PIEZO1: variants seen among roughly 807,000 people sequenced by gnomAD.
PIEZO1 encodes piezo-type mechanosensitive ion channel component 1.
Under a neutral mutation model 297.2 loss-of-function variants are expected in PIEZO1, and 296 were observed. The ratio of observed to expected loss-of-function variants is 1.00; its 90% confidence interval spans 0.91 to 1.10. The LOEUF (loss-of-function observed/expected upper bound fraction) is 1.10, where lower values mean the gene tolerates loss of function less well. Ranked by LOEUF, PIEZO1 falls within the 50% of genes least tolerant of loss-of-function variation. PIEZO1 has a pLI of 0.00. For missense variants in PIEZO1, 5,018 were observed against 3,455.5 expected (o/e 1.45, Z -11.34); for synonymous variants, 2,427 against 1,507.5 (o/e 1.61, Z -14.13).
At chr16:88,722,491 G>C in intron 35 of PIEZO1, 92 bp downstream of exon 35, 1 of 1,433,524 alleles carries the variant, frequency 7.0e-7, no homozygotes, top group Non-Finnish European at 9.3e-7. Context: ...ACGGTCCTTT[G>C]GGGTACAAGG....
chr16:88,733,241 G>T, intron 19 of PIEZO1, 37 bp downstream of exon 19: 1 of 1,522,874 alleles, frequency 6.6e-7, no homozygotes, highest in Non-Finnish European at 8.9e-7. Context: ...AGAGTTGCCT[G>T]GAGCTTCCTC....
rs956098218 is a variant in PIEZO1, at chr16:88,734,409, G to A, written c.2127C>T (p.Thr709=). The change falls in exon 16 of 51, where the codon ACC becomes ACT. Residue 709 remains threonine (T), a synonymous_variant. Coordinates refer to ENST00000301015, the MANE Select transcript of PIEZO1 (RefSeq NM_001142864.4). ...CAGGCAGGGACACGTGCTCCATGTC[G>A]GTGAGCTGCATGAAGGGCCTGTGGA... ...HYFHRPFMQL[T]DMEHVSLPGT... 13 of 1,549,378 alleles carry A rather than the reference G, an allele frequency of 8.4e-6. No homozygotes were observed. The highest frequency in any genetic ancestry group is 3.6e-5 in the South Asian group (3 of 84,030).
At chr16:88,737,411 C>G in intron 10 of PIEZO1, 148 bp downstream of exon 10, 1 of 593,186 alleles carries the variant, frequency 1.7e-6, no homozygotes, top group Non-Finnish European at 2.9e-6. Context: ...TCACTGACAC[C>G]GACCCGTGGA....
chr16:88,778,491 C>T (rs952539872), intron 1 of PIEZO1, among the ~76,000 whole-genome samples: 1 of 152,230 alleles, frequency 6.6e-6, no homozygotes, highest in Non-Finnish European at 1.5e-5. Flanking sequence ...TTAAAACACA[C>T]CCGAAAAATT....
chr16:88,736,595 C>T (rs576847274), intron 11 of PIEZO1, 44 bp downstream of exon 11: 25 of 1,486,394 alleles, frequency 1.7e-5, no homozygotes, highest in African/African-American at 1.5e-4. Context: ...CCCACACCTG[C>T]GCGGCAGAGG....
intron 44 of PIEZO1, chr16:88,718,245 G>C (rs543441505): frequency 4.9e-4 from 76 of 153,936 alleles, no homozygotes; most frequent in Non-Finnish European, 7.8e-4. Context: ...CATAGTAACA[G>C]GTTGTTGAGG....
chr16:88,738,684 G>T lies in PIEZO1; in HGVS notation c.518C>A (p.Ala173Glu). The change falls in exon 6 of 51, where the codon GCA (alanine) becomes GAA (glutamate). Residue 173 changes from alanine (A) to glutamate (E), a missense_variant. Physicochemically the swap from Ala to Glu is moderately radical, Grantham distance 107 (BLOSUM62 -1). Transcript: ENST00000301015. The part of the protein sequence containing the change: ...DASPTAGLQE[A>E]ATLAPTRRSR... ...CCTCCGTGTAGGGGCCAGCGTTGCT[G>T]CTTCCTGCAGCCCTGCCGTCGGGCT... The T allele has an allele frequency of 6.5e-7, 1 of 1,534,832 alleles. No individual in the cohort carries two copies. Among genetic ancestry groups the T allele is most frequent in the Non-Finnish European group, 8.7e-7 (1 of 1,146,044 alleles).
rs753010369 is a variant in PIEZO1, at chr16:88,719,911, T to G, written c.6214A>C (p.Ile2072Leu). The change falls in exon 43 of 51, where the codon ATC becomes CTC. Residue 2072 changes from isoleucine (I) to leucine (L), a missense_variant. Ile to Leu is a conservative substitution (Grantham distance 5). Coordinates refer to ENST00000301015, the MANE Select transcript of PIEZO1 (RefSeq NM_001142864.4). ...VAQLWYFVKC[I>L]YFALSAYQIR... The stretch of plus-strand genomic sequence containing the variant: ...TGGTAGGCGGACAGGGCGAAGTAGA[T>G]GCACTTCACGAAGTACCAGAGCTGG... The G allele has an allele frequency of 1.3e-6, 2 of 1,550,418 alleles. No individual in the cohort carries two copies. Among genetic ancestry groups the G allele is most frequent in the Admixed American group, 3.9e-5 (2 of 51,010 alleles).
At chr16:88,751,601 A>G (rs765440136) in intron 1 of PIEZO1, among the ~76,000 whole-genome samples, 1 of 151,912 alleles carries the variant, frequency 6.6e-6, no homozygotes, top group Non-Finnish European at 1.5e-5. Flanking sequence ...TCTTCCTCCC[A>G]TTAACGCACC....
Position 88,726,958 on chromosome 16 carries a change from C to A in PIEZO1, c.3456G>T (p.Arg1152Ser). The change falls in exon 25 of 51, where the codon AGG becomes AGT. Residue 1152 changes from arginine (R) to serine (S), a missense_variant and splice_region_variant. Transcript: ENST00000301015. Reference sequence around the variant, plus strand: ...CCACCTTCAGCATGTCAAGGTAGGACCTGCCAGGCCGGAGCGTCAGGGCGG... The same window carrying A: ...CCACCTTCAGCATGTCAAGGTAGGAACTGCCAGGCCGGAGCGTCAGGGCGG... ...PNPVPNFIHC[R>S]SYLDMLKVAV... The A allele has an allele frequency of 6.5e-7, 1 of 1,550,332 alleles. No homozygotes were observed. The highest frequency in any genetic ancestry group is 8.7e-7 in the Non-Finnish European group (1 of 1,146,836).
chr16:88,738,296 A>T lies in PIEZO1; in HGVS notation c.779T>A (p.Leu260His). Reference sequence around the variant, plus strand: ...CATCTGGTAGCAGTAGAGGCAGATGAGATGGCCGGCGCCGAAGCACCCCAC... The same window carrying T: ...CATCTGGTAGCAGTAGAGGCAGATGTGATGGCCGGCGCCGAAGCACCCCAC... ...VAVGCFGAGH[L>H]ICLYCYQMPL... The change falls in exon 7 of 51, where the codon CTC becomes CAC. Residue 260 changes from leucine to histidine, a missense_variant. Leu to His is a moderately conservative substitution (Grantham distance 99). Transcript: ENST00000301015. 1 of 1,535,896 alleles carries T rather than the reference A, an allele frequency of 6.5e-7. No individual in the cohort carries two copies. The highest frequency in any genetic ancestry group is 8.7e-7 in the Non-Finnish European group (1 of 1,146,850).
At chr16:88,719,327 C>T in intron 44 of PIEZO1, 1 of 528,186 alleles carries the variant, frequency 1.9e-6, no homozygotes, top group South Asian at 2.2e-5. Context: ...CCAGGCCCTG[C>T]TCTGCTGCCA....
intron 1 of PIEZO1, among the ~76,000 whole-genome samples, chr16:88,782,810 C>G (rs959890388): frequency 2.6e-5 from 4 of 151,592 alleles, no homozygotes; most frequent in African/African-American, 9.7e-5. Flanking sequence ...GCCCACACCC[C>G]AGGGCCAGAG....
At chr16:88,773,375 A>G (rs979505554) in intron 1 of PIEZO1, among the ~76,000 whole-genome samples, 2 of 152,312 alleles carry the variant, frequency 1.3e-5, no homozygotes, top group Non-Finnish European at 2.9e-5. Flanking sequence ...GGGCAGGGGG[A>G]GGGGCCTTGC....
Position 88,725,030 on chromosome 16 carries a change from G to A in PIEZO1, c.4213C>T (p.Pro1405Ser). 6.7e-7 allele frequency: 1 copy of A among 1,497,226 alleles called. No homozygotes were observed. Among genetic ancestry groups the A allele is most frequent in the Non-Finnish European group, 8.9e-7 (1 of 1,125,034 alleles). 92.7% of individuals were successfully genotyped at this position (1,497,226 alleles called of 1,614,324 possible). A position where few individuals can be genotyped will look rare whatever the true frequency, so the allele number is the denominator to read the frequency against. The change falls in exon 30 of 51, where the codon CCC becomes TCC. Residue 1405 changes from proline (P) to serine (S), a missense_variant. Transcript: ENST00000301015. ...SSPPRRQWWR[P>S]WLDHATVIHS... is the part of the protein sequence containing the mutation. ...GTACCTGTGGCGTGGTCCAGCCAGGGCCGCCACCACTGCCTCCGTGGCGGG... is the reference window on the plus strand; with the variant it reads ...GTACCTGTGGCGTGGTCCAGCCAGGACCGCCACCACTGCCTCCGTGGCGGG...
chr16:88,766,481 G>A (rs573804103), intron 1 of PIEZO1, among the ~76,000 whole-genome samples: 48 of 152,340 alleles, frequency 3.2e-4, no homozygotes, highest in African/African-American at 1.1e-3. Flanking sequence ...AGGCTGGTGT[G>A]GCCGAGGCCT....
chr16:88,764,820 T>C (rs1907098131), intron 1 of PIEZO1, among the ~76,000 whole-genome samples: 2 of 151,676 alleles, frequency 1.3e-5, no homozygotes, highest in African/African-American at 4.8e-5. Flanking sequence ...CCCAGCATCA[T>C]GCCGTGACCT....
chr16:88,757,972 C>A (rs1906756228), intron 1 of PIEZO1, among the ~76,000 whole-genome samples: 1 of 152,284 alleles, frequency 6.6e-6, no homozygotes, highest in African/African-American at 2.4e-5. Context: ...TGGCTGGACA[C>A]CCCTCCGCCA....
rs749413029 is a variant in PIEZO1 at position 88,715,786 on chromosome 16, A to G, written c.7385T>C (p.Ile2462Thr). 7 of 1,550,268 alleles carry G rather than the reference A, an allele frequency of 4.5e-6. 1 individual carries two copies. In the South Asian group the frequency reaches 8.3e-5, roughly 18 times the overall value. ...GKFVRGFFSE[I>T]SHSIMFEELP... ...CTCCTCGAACATAATGGAGTGCGAG[A>G]TCTCGCTGAAGAATCCGCGCACGAA... Residue 2462 changes from isoleucine (I) to threonine (T), a missense_variant, in exon 51 of 51, where the codon ATC becomes ACC. Ile to Thr is a moderately conservative substitution (Grantham distance 89). Coordinates refer to ENST00000301015, the MANE Select transcript of PIEZO1 (RefSeq NM_001142864.4).
Sources: allele counts gnomAD v4.1 joint callset (sites outside exome capture counted in the v4.1 genomes callset), GRCh38; gene constraint gnomAD v4.1.1; transcripts MANE v1.5; gene names NCBI Gene and HGNC (gene_info 2026-07-23, HGNC 2026-07-21).